The following SMOC2 variants were observed in gnomAD, a reference collection of about 807,000 sequenced individuals.
The protein encoded by SMOC2 is SPARC-related modular calcium-binding protein 2.
A neutral mutation model predicts 61.4 loss-of-function variants in SMOC2; 39 were observed. The ratio of observed to expected loss-of-function variants is 0.64; its 90% confidence interval spans 0.49 to 0.83. The LOEUF (loss-of-function observed/expected upper bound fraction) is 0.83, where lower values mean the gene tolerates loss of function less well. Ranked by LOEUF, SMOC2 falls within the 40% of genes least tolerant of loss-of-function variation. SMOC2 has a pLI of 0.00. For synonymous variants in SMOC2, 247 were observed against 239.9 expected (o/e 1.03, Z -0.27); for missense variants, 556 against 592.9 (o/e 0.94, Z 0.65).
intron 2 of SMOC2, among the ~76,000 whole-genome samples, chr6:168,521,573 A>T (rs1321235297): frequency 1.3e-5 from 2 of 152,222 alleles, no homozygotes; most frequent in Admixed American, 1.3e-4. Context: ...ATTAACTATC[A>T]TTAACCAAAA....
chr6:168,509,893 G>A (rs1412485988), intron 1 of SMOC2, 22 bp from the exon 2 acceptor site: 1 of 1,577,848 alleles, frequency 6.3e-7, no homozygotes, highest in South Asian at 1.1e-5. Flanking sequence ...AATTTGTCTG[G>A]CTTCTTTTTT....
intron 2 of SMOC2, among the ~76,000 whole-genome samples, chr6:168,518,459 GTA>G (rs1456286548): frequency 2.0e-5 from 3 of 147,808 alleles, no homozygotes; most frequent in African/African-American, 7.4e-5. Context: ...GTGAATGTGT[GTA>G]TTCATGTGCC....
intron 9 of SMOC2, among the ~76,000 whole-genome samples, chr6:168,639,710 G>C (rs6455541): frequency 0.11 from 16,109 of 151,894 alleles, 939 homozygotes; most frequent in East Asian, 0.21. Context: ...TCCATCATCA[G>C]GTGGACCAGA....
chr6:168,599,337 A>C (rs1785440859), intron 8 of SMOC2, among the ~76,000 whole-genome samples: 1 of 134,378 alleles, frequency 7.4e-6, no homozygotes, highest in African/African-American at 2.9e-5. Flanking sequence ...ACACACTCAT[A>C]CCCACACACA....
chr6:168,553,788 T>C lies in SMOC2; in HGVS notation c.637+4585T>C, dbSNP rs530398979. On this transcript the variant is annotated intron_variant, in intron 7 of 12. Transcript: ENST00000356284. This position sits in a 1 kb window ranked among gnomAD's most constrained non-coding sequence, Gnocchi z 4.2. ...GGTTGCCATTTGCCACCATTTGCCA[T>C]AGTGACGTGACCTATGGGAAAGAGC... Among the ~76,000 whole-genome samples the C allele has an allele frequency of 6.6e-5, 10 of 152,312 alleles. No homozygotes were observed. Among genetic ancestry groups the C allele is most frequent in the African/African-American group, 2.2e-4 (9 of 41,570 alleles).
At chr6:168,552,408 C>CT (rs1784147642) in intron 7 of SMOC2, among the ~76,000 whole-genome samples, 1 of 150,170 alleles carries the variant, frequency 6.7e-6, no homozygotes, top group Non-Finnish European at 1.5e-5. Context: ...ATTTATCTAG[C>CT]TTGTCAGTAC....
chr6:168,644,228 C>A (rs997873711), intron 9 of SMOC2, among the ~76,000 whole-genome samples: 2 of 152,114 alleles, frequency 1.3e-5, no homozygotes, highest in Non-Finnish European at 2.9e-5. Flanking sequence ...GACATGGCTT[C>A]GGGACCCCTC....
At chr6:168,573,712 TGTCTCCCCAGCAGGACCCC>T (rs1052849443) in intron 7 of SMOC2, among the ~76,000 whole-genome samples, 6 of 152,136 alleles carry the variant, frequency 3.9e-5, no homozygotes, top group African/African-American at 1.4e-4. Flanking sequence ...CTCAGGACCC[TGTCTCCCCAGCAGGACCCC>T]GCCTCCCCAC....
At chr6:168,529,969 G>A (rs1249143726) in intron 4 of SMOC2, among the ~76,000 whole-genome samples, 1 of 152,248 alleles carries the variant, frequency 6.6e-6, no homozygotes, top group African/African-American at 2.4e-5. Flanking sequence ...CTAATCTGCA[G>A]TATGCACTGT....
At position 168,599,411 on chromosome 6, in the gene SMOC2, CAT is replaced by C. The variant is rs1348364708; in HGVS notation, c.824+408_824+409del. ...ACTCACACACACACTGACACACACA[CAT>C]TCATACCCCCCACACCCACACTCAC... On this transcript the variant is annotated intron_variant, in intron 8 of 12. Coordinates refer to ENST00000356284, the MANE Select transcript of SMOC2 (RefSeq NM_001166412.2). Among the ~76,000 whole-genome samples the C allele has an allele frequency of 3.5e-3, 242 of 68,206 alleles. 1 individual carries two copies. The highest frequency in any genetic ancestry group is 0.011 in the African/African-American group (228 of 20,818). 44.7% of individuals were successfully genotyped at this position (68,206 alleles called of 152,430 possible). A position where few individuals can be genotyped will look rare whatever the true frequency, so the allele number is the denominator to read the frequency against.
intron 9 of SMOC2, among the ~76,000 whole-genome samples, chr6:168,639,724 C>T (rs571286179): frequency 3.4e-4 from 50 of 146,394 alleles, no homozygotes; most frequent in African/African-American, 1.1e-3. Flanking sequence ...GACCAGAGTC[C>T]GCCAGGCAGG....
intron 9 of SMOC2, among the ~76,000 whole-genome samples, chr6:168,627,638 A>G (rs1049054459): frequency 6.6e-6 from 1 of 152,206 alleles, no homozygotes; most frequent in African/African-American, 2.4e-5. Context: ...TGGTAGATTC[A>G]AAATGGCCTT....
At chr6:168,522,851 T>C (rs1783361069) in intron 2 of SMOC2, among the ~76,000 whole-genome samples, 1 of 151,948 alleles carries the variant, frequency 6.6e-6, no homozygotes, top group African/African-American at 2.4e-5. Context: ...ATGCCCAGAA[T>C]AGGCAAATTT....
rs373358094 is a variant in SMOC2 at position 168,543,583 on chromosome 6, G to A, written c.464-42G>A. On this transcript the variant is annotated intron_variant, in intron 4 of 12. Transcript: ENST00000356284. ...CTTAATTTGTGATGGCCATTTAAGA[G>A]TCCAAAATAATTTCATTTCACTCCT... 2.5e-6 allele frequency: 4 copies of A among 1,581,384 alleles called. No individual in the cohort carries two copies. The African/African-American group carries it at 5.4e-5, about 21-fold the overall frequency.
chr6:168,532,323 G>T (rs904907415), intron 4 of SMOC2, among the ~76,000 whole-genome samples: 1 of 152,148 alleles, frequency 6.6e-6, no homozygotes, highest in Non-Finnish European at 1.5e-5. Context: ...CATGTCCTTC[G>T]TCCTGGGATT....
chr6:168,531,896 C>T (rs1008539751), intron 4 of SMOC2, among the ~76,000 whole-genome samples: 2 of 152,094 alleles, frequency 1.3e-5, no homozygotes, highest in Admixed American at 6.5e-5. Flanking sequence ...TTACACTTGG[C>T]TGGAAGTCGG....
intron 7 of SMOC2, among the ~76,000 whole-genome samples, chr6:168,558,845 A>G (rs541709230): frequency 1.4e-5 from 2 of 143,648 alleles, no homozygotes; most frequent in South Asian, 4.6e-4. Context: ...GCACGTGTGT[A>G]TGTGCGCGTG....
chr6:168,567,086 T>G (rs1784563256), intron 7 of SMOC2, among the ~76,000 whole-genome samples: 1 of 152,228 alleles, frequency 6.6e-6, no homozygotes. Flanking sequence ...TAAAAGGCAT[T>G]TTTTCTCTTT....
intron 1 of SMOC2, among the ~76,000 whole-genome samples, chr6:168,482,620 A>C (rs1020163462): frequency 5.3e-5 from 8 of 152,226 alleles, no homozygotes; most frequent in Admixed American, 1.3e-4. Flanking sequence ...ACTAGAGGCC[A>C]ATATCCCTTA....
Sources: allele counts gnomAD v4.1 joint callset (sites outside exome capture counted in the v4.1 genomes callset), GRCh38; gene constraint gnomAD v4.1.1; non-coding constraint Gnocchi (gnomAD v3.1); transcripts MANE v1.5; gene names NCBI Gene and HGNC (gene_info 2026-07-23, HGNC 2026-07-21).